The following PRIMA1 variants were observed in gnomAD, a reference collection of about 807,000 sequenced individuals.
The protein encoded by PRIMA1 is proline-rich membrane anchor 1.
Under a neutral mutation model 17.5 loss-of-function variants are expected in PRIMA1, and 7 were observed. That is an observed-to-expected ratio of 0.40 (90% CI 0.23 to 0.75). PRIMA1 has a LOEUF of 0.75. Among genes scored for constraint, PRIMA1 ranks in the 30% least tolerant of loss-of-function variants. The pLI, the probability that PRIMA1 is intolerant of heterozygous loss-of-function variation, is 0.37. For missense variants in PRIMA1, 200 were observed against 201.8 expected (o/e 0.99, Z 0.05); for synonymous variants, 97 against 77.9 (o/e 1.25, Z -1.29).
intron 4 of PRIMA1, 77 bp from the exon 5 acceptor site, chr14:93,721,623 G>T (rs2076039384): frequency 1.2e-6 from 1 of 854,892 alleles, no homozygotes; most frequent in Admixed American, 1.9e-5. Context: ...TGATGGTGGG[G>T]TGTAACCTCC....
chr14:93,729,650 G>C (rs559985049), intron 4 of PRIMA1, among the ~76,000 whole-genome samples: 10 of 152,348 alleles, frequency 6.6e-5, no homozygotes, highest in Admixed American at 3.3e-4. Flanking sequence ...CTGCAGATCA[G>C]CTGAAGGCCA....
chr14:93,744,588 A>G (rs555049170), intron 3 of PRIMA1, among the ~76,000 whole-genome samples: 10 of 152,320 alleles, frequency 6.6e-5, no homozygotes, highest in African/African-American at 2.2e-4. Context: ...ACAAGCCCCT[A>G]TTTCTACAGA....
Position 93,726,499 on chromosome 14 carries a change from A to G in PRIMA1, c.360-4953T>C, listed in dbSNP as rs1423300733. ...CACCCTCCCACACCCATACACACAC[A>G]TGAACCTGCGTAACACACACAGGCA... is the stretch of plus-strand genomic sequence containing the variant. On this transcript the variant is annotated intron_variant, in intron 4 of 4. Transcript: ENST00000393140. The surrounding 1 kb of genome is among the most constrained non-coding windows in gnomAD (Gnocchi z 4.2). Among the ~76,000 whole-genome samples the G allele has an allele frequency of 1.3e-5, 2 of 152,028 alleles. No homozygotes were observed. The highest frequency in any genetic ancestry group is 2.9e-5 in the Non-Finnish European group (2 of 67,974).
rs1257006759 is a variant in PRIMA1 at position 93,726,701 on chromosome 14, CCATA to C, written c.360-5159_360-5156del. On this transcript the variant is annotated intron_variant, in intron 4 of 4. Transcript: ENST00000393140. The surrounding 1 kb of genome is among the most constrained non-coding windows in gnomAD (Gnocchi z 4.2). ...TAGACACATGTACATATGCACAAAC[CCATA>C]CAAACATGTACTTACACACACACAT... Among the ~76,000 whole-genome samples the C allele has an allele frequency of 5.9e-5, 9 of 151,992 alleles. No individual in the cohort carries two copies. Among genetic ancestry groups the C allele is most frequent in the Non-Finnish European group, 8.8e-5 (6 of 67,976 alleles).
Position 93,787,674 on chromosome 14 carries a change from G to A in PRIMA1, c.45C>T (p.Ser15=), listed in dbSNP as rs1024495105. The part of the protein sequence containing the change: ...DLVLRRGCCW[S]SLLLHCALHP... ...GGAGCGCGCAGTGCAGCAGCAGCGA[G>A]GACCAGCAGCAGCCACGGCGCAGCA... The change falls in exon 2 of 5, where the codon TCC becomes TCT. Residue 15 remains serine, a synonymous_variant. Transcript: ENST00000393140. The A allele has an allele frequency of 6.5e-7, 1 of 1,544,328 alleles. No homozygotes were observed. The highest frequency in any genetic ancestry group is 2.4e-5 in the East Asian group (1 of 40,912).
intron 3 of PRIMA1, among the ~76,000 whole-genome samples, chr14:93,756,775 C>A (rs1449839540): frequency 1.3e-5 from 2 of 152,152 alleles, no homozygotes; most frequent in African/African-American, 4.8e-5. Context: ...CTCTCCTCCC[C>A]CAATCCTCCA....
At chr14:93,767,438 G>T (rs1884924543) in intron 3 of PRIMA1, among the ~76,000 whole-genome samples, 1 of 152,172 alleles carries the variant, frequency 6.6e-6, no homozygotes, top group African/African-American at 2.4e-5. Context: ...GTTAGAGAAT[G>T]CCCGGCACTA....
intron 3 of PRIMA1, among the ~76,000 whole-genome samples, chr14:93,747,006 G>A (rs2141168586): frequency 6.6e-6 from 1 of 152,196 alleles, no homozygotes; most frequent in East Asian, 1.9e-4. Flanking sequence ...GAAAGCAGCT[G>A]GGGCCGGACT....
At chr14:93,753,645 A>T (rs1048343754) in intron 3 of PRIMA1, among the ~76,000 whole-genome samples, 3 of 152,182 alleles carry the variant, frequency 2.0e-5, no homozygotes, top group Non-Finnish European at 4.4e-5. Flanking sequence ...GAACCTCGCC[A>T]TCTTTCCCAG....
chr14:93,763,608 G>A (rs945343411), intron 3 of PRIMA1, among the ~76,000 whole-genome samples: 9 of 152,354 alleles, frequency 5.9e-5, no homozygotes, highest in African/African-American at 1.9e-4. Flanking sequence ...AGGCCTAGAG[G>A]AGGGTTGAGG....
chr14:93,749,549 G>C (rs936763300), intron 3 of PRIMA1, among the ~76,000 whole-genome samples: 1 of 152,102 alleles, frequency 6.6e-6, no homozygotes, highest in African/African-American at 2.4e-5. Flanking sequence ...ACAACAGGAA[G>C]CTGACAAACA....
intron 3 of PRIMA1, among the ~76,000 whole-genome samples, chr14:93,749,992 C>T (rs1432271262): frequency 6.6e-6 from 1 of 152,208 alleles, no homozygotes; most frequent in Non-Finnish European, 1.5e-5. Flanking sequence ...ACCAGCCTAG[C>T]TAATATGGTG....
chr14:93,781,871 A>T (rs1432260260), intron 2 of PRIMA1, among the ~76,000 whole-genome samples: 2 of 152,116 alleles, frequency 1.3e-5, no homozygotes, highest in Admixed American at 6.6e-5. Flanking sequence ...TCTACTCAGG[A>T]TGCTGAGGCA....
chr14:93,779,165 C>T lies in PRIMA1; in HGVS notation c.229+11G>A, dbSNP rs750441836. 18 of 1,345,884 alleles carry T rather than the reference C, an allele frequency of 1.3e-5. No homozygotes were observed. The highest frequency in any genetic ancestry group is 1.7e-5 in the Non-Finnish European group (18 of 1,044,170). The allele number at this position is 1,345,884 out of a possible 1,614,324, so 83.4% of individuals were successfully genotyped here. On this transcript the variant is annotated intron_variant, in intron 3 of 4. Coordinates refer to ENST00000393140, the MANE Select transcript of PRIMA1 (RefSeq NM_178013.4). Reference sequence around the variant, plus strand: ...AAGAGAAACCCGAAAATGGAGTGAGCCATTACTTACCTGGGGCGGAGAGGA... The same window carrying T: ...AAGAGAAACCCGAAAATGGAGTGAGTCATTACTTACCTGGGGCGGAGAGGA...
intron 3 of PRIMA1, among the ~76,000 whole-genome samples, chr14:93,747,853 A>G (rs1181245638): frequency 1.4e-5 from 2 of 142,524 alleles, no homozygotes; most frequent in African/African-American, 2.6e-5. Flanking sequence ...GAGTGTGTGT[A>G]TGAGTGTGTG....
chr14:93,748,555 C>A lies in PRIMA1; in HGVS notation c.230-11185G>T, dbSNP rs990140125. 2.1e-4 allele frequency among the ~76,000 whole-genome samples: 32 copies of A among 152,206 alleles called. 1 individual carries two copies. Among genetic ancestry groups the A allele is most frequent in the Admixed American group, 1.9e-3 (29 of 15,310 alleles). On this transcript the variant is annotated intron_variant, in intron 3 of 4. Coordinates refer to ENST00000393140, the MANE Select transcript of PRIMA1 (RefSeq NM_178013.4). ...TGCCAGCAAAGGAAGGAACGGGGGA[C>A]ACAGGCAGCGGCACCGGGAGCCTCT...
At chr14:93,769,798 C>G (rs574465948) in intron 3 of PRIMA1, among the ~76,000 whole-genome samples, 1 of 152,170 alleles carries the variant, frequency 6.6e-6, no homozygotes, top group African/African-American at 2.4e-5. Flanking sequence ...GATGATGAAG[C>G]CTAGTTAAAC....
chr14:93,748,012 G>A (rs1162630376), intron 3 of PRIMA1, among the ~76,000 whole-genome samples: 11 of 149,698 alleles, frequency 7.3e-5, no homozygotes, highest in Admixed American at 2.7e-4. Flanking sequence ...GTATATGAGT[G>A]TGTGAGAGTG....
chr14:93,747,808 AGTGT>A (rs1193211266), intron 3 of PRIMA1, among the ~76,000 whole-genome samples: 3 of 138,984 alleles, frequency 2.2e-5, no homozygotes, highest in African/African-American at 5.5e-5. Flanking sequence ...AAGGGGACTG[AGTGT>A]GTGGGAGTGT....
Sources: allele counts gnomAD v4.1 joint callset (sites outside exome capture counted in the v4.1 genomes callset), GRCh38; gene constraint gnomAD v4.1.1; non-coding constraint Gnocchi (gnomAD v3.1); transcripts MANE v1.5; gene names NCBI Gene and HGNC (gene_info 2026-07-23, HGNC 2026-07-21).